CNTNAP4: variants seen among roughly 807,000 people sequenced by gnomAD.
The protein encoded by CNTNAP4 is contactin associated protein family member 4.
A neutral mutation model predicts 148.4 loss-of-function variants in CNTNAP4; 98 were observed. That is an observed-to-expected ratio of 0.66 (90% CI 0.56 to 0.78). The LOEUF is 0.78. Among genes scored for constraint, CNTNAP4 ranks in the 30% least tolerant of loss-of-function variants. The probability of loss-of-function intolerance (pLI) is 0.00; values close to 1 mark genes in which losing one functional copy is unlikely to be tolerated. For synonymous variants in CNTNAP4, 730 were observed against 565.1 expected, an observed-to-expected ratio of 1.29 and a Z score of -4.14; for missense variants, 1,935 against 1,565.6, an observed-to-expected ratio of 1.24 and a Z score of -3.98.
At chr16:76,493,760 C>T (rs921412852) in intron 13 of CNTNAP4, among the ~76,000 whole-genome samples, 6 of 152,158 alleles carry the variant, frequency 3.9e-5, no homozygotes, top group Non-Finnish European at 8.8e-5. Context: ...TGCATTTATG[C>T]ATAACACAGC....
intron 4 of CNTNAP4, among the ~76,000 whole-genome samples, chr16:76,428,492 T>A (rs945166969): frequency 2.0e-5 from 3 of 152,080 alleles, no homozygotes; most frequent in Non-Finnish European, 4.4e-5. Context: ...TGTCACTTTG[T>A]GATGTAAGCC....
At chr16:76,444,582 T>G (rs1359556631) in intron 4 of CNTNAP4, among the ~76,000 whole-genome samples, 2 of 152,076 alleles carry the variant, frequency 1.3e-5, no homozygotes, top group African/African-American at 4.8e-5. Flanking sequence ...ATTAATTTTT[T>G]CAGGTTTTTA....
At chr16:76,545,876 A>T (rs1482160916) in intron 21 of CNTNAP4, among the ~76,000 whole-genome samples, 1 of 152,066 alleles carries the variant, frequency 6.6e-6, no homozygotes, top group Non-Finnish European at 1.5e-5. Context: ...TCTCTACTAA[A>T]ATACAAAAAT....
chr16:76,370,298 A>T (rs1326102928), intron 3 of CNTNAP4, among the ~76,000 whole-genome samples: 1 of 152,064 alleles, frequency 6.6e-6, no homozygotes, highest in Non-Finnish European at 1.5e-5. Flanking sequence ...AGAAAAAAAA[A>T]AATCCTTAGT....
At chr16:76,374,979 G>A (rs1176948932) in intron 3 of CNTNAP4, among the ~76,000 whole-genome samples, 2 of 151,878 alleles carry the variant, frequency 1.3e-5, no homozygotes, top group African/African-American at 4.8e-5. Context: ...ATGTTGGCCA[G>A]GCTGGTCTCG....
chr16:76,498,243 T>G (rs1212218136), intron 14 of CNTNAP4, among the ~76,000 whole-genome samples: 1 of 151,996 alleles, frequency 6.6e-6, no homozygotes, highest in East Asian at 1.9e-4. Context: ...AATACAAAAG[T>G]TAGCTGGGTG....
chr16:76,496,240 T>C (rs4533311), intron 14 of CNTNAP4, among the ~76,000 whole-genome samples: 127,193 of 151,846 alleles, frequency 0.84, 54,181 homozygotes, highest in East Asian at 0.97. Flanking sequence ...TTATCACTAC[T>C]TTCACAAAAA....
In CNTNAP4 at chr16:76,467,520, A is replaced by G; in HGVS notation, c.1652A>G (p.Asp551Gly). 1.2e-6 allele frequency: 2 copies of G among 1,608,960 alleles called. No individual in the cohort carries two copies. The highest frequency in any genetic ancestry group is 1.7e-6 in the Non-Finnish European group (2 of 1,177,880). ...CAGATAGACTCATGTGGCATCTCAGACAGGTAAGGGCAATCTCACTTCATT... is the reference window on the plus strand; with the variant it reads ...CAGATAGACTCATGTGGCATCTCAGGCAGGTAAGGGCAATCTCACTTCATT... ...DLQIDSCGIS[D>G]RCLPNYCEHG... is the part of the protein sequence containing the mutation. The change falls in exon 10 of 24, where the codon GAC becomes GGC. Residue 551 changes from aspartate to glycine, a missense_variant. By Grantham distance (94) the Asp-to-Gly change is moderately conservative. Transcript: ENST00000611870.
chr16:76,513,956 A>T, intron 15 of CNTNAP4, among the ~76,000 whole-genome samples: 1 of 152,188 alleles, frequency 6.6e-6, no homozygotes, highest in Non-Finnish European at 1.5e-5. Flanking sequence ...GAATAAATGA[A>T]TTTGGTCCTC....
rs1369933493 is a variant in CNTNAP4 at position 76,507,007 on chromosome 16, A to G, written c.2365+8313A>G. ...TAGTAATAAAAAATGGACTGGAGAT[A>G]GTATTTTGTATACCTTTGCTTTTCC... On this transcript the variant is annotated intron_variant, in intron 15 of 23. Transcript: ENST00000611870. Among the ~76,000 whole-genome samples, 2 of 97,658 alleles carry G rather than the reference A, an allele frequency of 2.0e-5. 1 individual carries two copies. The highest frequency in any genetic ancestry group is 5.8e-5 in the Non-Finnish European group (2 of 34,312). 64.1% of individuals were successfully genotyped at this position (97,658 alleles called of 152,430 possible).
intron 10 of CNTNAP4, among the ~76,000 whole-genome samples, chr16:76,470,953 TCACA>T (rs984430483): frequency 3.3e-5 from 5 of 152,120 alleles, no homozygotes; most frequent in African/African-American, 1.2e-4. Context: ...CACACCATCC[TCACA>T]CACGTTTACA....
intron 3 of CNTNAP4, among the ~76,000 whole-genome samples, chr16:76,412,216 A>C: frequency 6.6e-6 from 1 of 151,542 alleles, no homozygotes. Flanking sequence ...ATATAATTTA[A>C]AAATATAGCA....
At chr16:76,296,058 A>G (rs1364218698) in intron 1 of CNTNAP4, among the ~76,000 whole-genome samples, 3 of 152,208 alleles carry the variant, frequency 2.0e-5, no homozygotes, top group South Asian at 2.1e-4. Context: ...AAAGGATCGT[A>G]TTTAAAAGCT....
At chr16:76,362,594 T>A (rs1045562283) in intron 3 of CNTNAP4, among the ~76,000 whole-genome samples, 1 of 152,080 alleles carries the variant, frequency 6.6e-6, no homozygotes, top group Non-Finnish European at 1.5e-5. Flanking sequence ...AGTCCAGAAA[T>A]AAACCCATAC....
intron 14 of CNTNAP4, among the ~76,000 whole-genome samples, chr16:76,496,386 T>A (rs1350541651): frequency 6.6e-6 from 1 of 152,142 alleles, no homozygotes; most frequent in Non-Finnish European, 1.5e-5. Context: ...AAATGACTTT[T>A]AAAAATAAGA....
intron 10 of CNTNAP4, among the ~76,000 whole-genome samples, chr16:76,472,355 G>GA (rs1360119978): frequency 4.2e-4 from 64 of 152,048 alleles, no homozygotes; most frequent in African/African-American, 1.5e-3. Flanking sequence ...CAAGAATCAA[G>GA]AAAAATTGAC....
chr16:76,312,405 A>C (rs1344769948), intron 1 of CNTNAP4, among the ~76,000 whole-genome samples: 1 of 152,202 alleles, frequency 6.6e-6, no homozygotes, highest in Non-Finnish European at 1.5e-5. Context: ...TTATTGGTGC[A>C]GTCAGAGAAA....
At position 76,522,166 on chromosome 16, in the gene CNTNAP4, C is replaced by T; in HGVS notation, c.2664C>T (p.Ala888=). 1 of 1,613,930 alleles carries T rather than the reference C, an allele frequency of 6.2e-7. No individual in the cohort carries two copies. Among genetic ancestry groups the T allele is most frequent in the Non-Finnish European group, 8.5e-7 (1 of 1,179,872 alleles). Residue 888 remains alanine (A), a synonymous_variant, in exon 17 of 24, where the codon GCC becomes GCT. Transcript: ENST00000611870. Reference sequence around the variant, plus strand: ...GGGTTGAAAGGAACATGAAGGAGGCCTCCCTTCAAGTGGATCAGCTGACAC... The same window carrying T: ...GGGTTGAAAGGAACATGAAGGAGGCTTCCCTTCAAGTGGATCAGCTGACAC... ...HVRVERNMKE[A]SLQVDQLTPK...
intron 3 of CNTNAP4, among the ~76,000 whole-genome samples, chr16:76,363,058 T>TA (rs201897586): frequency 0.032 from 4,654 of 143,954 alleles, 214 homozygotes; most frequent in African/African-American, 0.1. Flanking sequence ...CATGCTCTAT[T>TA]AAAAAAAAAA....
Sources: gnomAD v4.1 joint callset for allele counts (sites outside exome capture counted in the v4.1 genomes callset) on GRCh38, gnomAD v4.1.1 for gene constraint, MANE v1.5 for transcripts, NCBI Gene and HGNC (gene_info 2026-07-23, HGNC 2026-07-21) for gene names.